Variants in PIK3C2A observed in about 807,000 individuals in gnomAD.
PIK3C2A encodes phosphatidylinositol-4-phosphate 3-kinase catalytic subunit type 2 alpha, also known as phosphatidylinositol 4-phosphate 3-kinase C2 domain-containing subunit alpha.
PIK3C2A carries 97 observed loss-of-function variants against 204.5 expected under a neutral mutation model. The ratio of observed to expected loss-of-function variants is 0.47; its 90% CI spans 0.40 to 0.56. The LOEUF (loss-of-function observed/expected upper bound fraction) is 0.56, where lower values mean the gene tolerates loss of function less well. PIK3C2A is among the 20% of genes least tolerant of loss of function. The pLI, the probability that PIK3C2A is intolerant of heterozygous loss-of-function variation, is 0.00. For missense variants in PIK3C2A, 1,735 were observed against 1,969.2 expected (o/e 0.88, Z 2.25); for synonymous variants, 653 against 664.4 (o/e 0.98, Z 0.26).
At chr11:17,134,759 A>C in intron 11 of PIK3C2A, 60 bp downstream of exon 11, 1 of 1,299,006 alleles carries the variant, frequency 7.7e-7, no homozygotes, top group Non-Finnish European at 1.1e-6. Flanking sequence ...CTGTGGCCTC[A>C]CAAAGCCTTG....
chr11:17,170,939 T>A (rs1259455582), intron 1 of PIK3C2A, among the ~76,000 whole-genome samples: 1 of 152,008 alleles, frequency 6.6e-6, no homozygotes, highest in Admixed American at 6.6e-5. Context: ...CCGTCTCTAC[T>A]AAATATACAA....
At chr11:17,116,297 AT>A (rs1185640268) in intron 19 of PIK3C2A, among the ~76,000 whole-genome samples, 1 of 152,192 alleles carries the variant, frequency 6.6e-6, no homozygotes. Flanking sequence ...AATGTGCTCA[AT>A]ATCATTAGTC....
intron 21 of PIK3C2A, among the ~76,000 whole-genome samples, chr11:17,111,890 A>C (rs1590919191): frequency 6.6e-6 from 1 of 151,010 alleles, no homozygotes; most frequent in South Asian, 2.1e-4. Context: ...AACAAAAAAA[A>C]AAAAAAAAAA....
chr11:17,144,766 C>T (rs759847098), intron 8 of PIK3C2A, among the ~76,000 whole-genome samples: 1 of 151,748 alleles, frequency 6.6e-6, no homozygotes, highest in African/African-American at 2.4e-5. Context: ...CATGGTGATG[C>T]ATGCCTCTAA....
chr11:17,137,716 C>G (rs1034928202), intron 8 of PIK3C2A, among the ~76,000 whole-genome samples: 11 of 152,062 alleles, frequency 7.2e-5, no homozygotes, highest in Non-Finnish European at 1.5e-4. Flanking sequence ...GCCTACACTA[C>G]TCTTTAAGTG....
Position 17,092,079 on chromosome 11 carries a change from A to C in PIK3C2A, c.4570-11T>G. 1 of 1,588,504 alleles carries C rather than the reference A, an allele frequency of 6.3e-7. No homozygotes were observed. The highest frequency in any genetic ancestry group is 1.3e-5 in the African/African-American group (1 of 74,544). ...ACAAACAAGATCACACTAAGAATAA[A>C]GAGAAAGCAATTCATTAGTTTAAAT... is the stretch of plus-strand genomic sequence containing the variant. On this transcript the variant is annotated splice_polypyrimidine_tract_variant and intron_variant, in intron 29 of 32. Transcript: ENST00000691414.
chr11:17,135,108 T>G lies in PIK3C2A; in HGVS notation c.1897+3A>C. The G allele has an allele frequency of 3.1e-6, 5 of 1,613,764 alleles. No individual in the cohort carries two copies. Among genetic ancestry groups the G allele is most frequent in the Non-Finnish European group, 3.4e-6 (4 of 1,179,724 alleles). On this transcript the variant is annotated splice_donor_region_variant and intron_variant, in intron 10 of 32. Coordinates refer to ENST00000691414, the MANE Select transcript of PIK3C2A (RefSeq NM_002645.4). ...GCTAAAATTTAAAGATTTAAACACATACCCCTAGTTGAACTCCTGCTAGTG... is the reference window on the plus strand; with the variant it reads ...GCTAAAATTTAAAGATTTAAACACAGACCCCTAGTTGAACTCCTGCTAGTG...
intron 1 of PIK3C2A, among the ~76,000 whole-genome samples, chr11:17,194,887 C>A (rs1374424137): frequency 7.0e-6 from 1 of 143,250 alleles, no homozygotes; most frequent in South Asian, 2.2e-4. Context: ...CCAGCCTGGG[C>A]AACAAGAACG....
intron 1 of PIK3C2A, among the ~76,000 whole-genome samples, chr11:17,201,143 T>C (rs1472721367): frequency 6.6e-6 from 1 of 151,848 alleles, no homozygotes; most frequent in African/African-American, 2.4e-5. Context: ...GAGGCGGAGG[T>C]TGCAGTGAGC....
At chr11:17,098,631 C>T (rs945864505) in intron 26 of PIK3C2A, among the ~76,000 whole-genome samples, 3 of 152,166 alleles carry the variant, frequency 2.0e-5, no homozygotes, top group South Asian at 4.1e-4. Context: ...CAAAAGAAAA[C>T]CCATCAATAC....
At chr11:17,096,996 A>T in intron 27 of PIK3C2A, 61 bp downstream of exon 27, 1 of 966,108 alleles carries the variant, frequency 1.0e-6, no homozygotes, top group Non-Finnish European at 1.6e-6. Flanking sequence ...TCAGCAAAGG[A>T]AGTAGAAAGG....
chr11:17,206,514 T>TA (rs1052392220), intron 1 of PIK3C2A, among the ~76,000 whole-genome samples: 269 of 133,880 alleles, frequency 2.0e-3, no homozygotes, highest in African/African-American at 5.6e-3. Flanking sequence ...AGATCAAATT[T>TA]AAAAAAAAAA....
intron 19 of PIK3C2A, chr11:17,115,567 AC>A (rs1433726880): frequency 1.3e-5 from 2 of 148,616 alleles, no homozygotes; most frequent in African/African-American, 2.4e-5. Context: ...AAAAAAAAAA[AC>A]AAATATAGCA....
chr11:17,172,950 C>T (rs1851225937), intron 1 of PIK3C2A, among the ~76,000 whole-genome samples: 1 of 152,068 alleles, frequency 6.6e-6, no homozygotes, highest in South Asian at 2.1e-4. Context: ...TTTTAATTTT[C>T]TTTTTTCACT....
intron 22 of PIK3C2A, among the ~76,000 whole-genome samples, chr11:17,107,587 G>C (rs184536547): frequency 6.6e-6 from 1 of 152,064 alleles, no homozygotes; most frequent in East Asian, 1.9e-4. Context: ...GAGAGAAAAC[G>C]AACATTTACT....
chr11:17,154,086 T>C (rs973741942), intron 3 of PIK3C2A, among the ~76,000 whole-genome samples: 2 of 151,028 alleles, frequency 1.3e-5, no homozygotes, highest in African/African-American at 2.4e-5. Context: ...AGTGTGTGCG[T>C]GTGTGTGTGT....
At chr11:17,195,619 C>T (rs1453424914) in intron 1 of PIK3C2A, among the ~76,000 whole-genome samples, 2 of 151,230 alleles carry the variant, frequency 1.3e-5, no homozygotes, top group African/African-American at 2.4e-5. Flanking sequence ...TTGTTGCTGT[C>T]GTCGTCCCAG....
At chr11:17,112,393 C>T (rs960094285) in intron 21 of PIK3C2A, among the ~76,000 whole-genome samples, 181 bp downstream of exon 21, 1 of 152,046 alleles carries the variant, frequency 6.6e-6, no homozygotes, top group Non-Finnish European at 1.5e-5. Flanking sequence ...GTGGAGGTTG[C>T]AGTAAGCCGA....
chr11:17,138,104 T>C, intron 8 of PIK3C2A: 2 of 731,186 alleles, frequency 2.7e-6, no homozygotes, highest in East Asian at 3.1e-5. Flanking sequence ...CCATAGGCCC[T>C]GCTGACATGT....
Sources: gnomAD v4.1 joint callset for allele counts (sites outside exome capture counted in the v4.1 genomes callset) on GRCh38, gnomAD v4.1.1 for gene constraint, MANE v1.5 for transcripts, NCBI Gene and HGNC (gene_info 2026-07-23, HGNC 2026-07-21) for gene names.